The following SCFD2 variants were observed in gnomAD, a reference collection of about 807,000 sequenced individuals.
SCFD2 encodes sec1 family domain containing 2, also known as sec1 family domain-containing protein 2.
In SCFD2, 54 loss-of-function variants were observed where a neutral mutation model predicts 58.9. The ratio of observed to expected loss-of-function variants is 0.92; its 90% CI spans 0.74 to 1.15. SCFD2 has a LOEUF of 1.15. SCFD2 is among the 50% of genes most tolerant of loss of function. The pLI, the probability that SCFD2 is intolerant of heterozygous loss-of-function variation, is 0.00. For synonymous variants in SCFD2, 321 were observed against 335.9 expected (o/e 0.96, Z 0.49); for missense variants, 805 against 836.6 (o/e 0.96, Z 0.47).
intron 5 of SCFD2, among the ~76,000 whole-genome samples, chr4:53,139,102 C>A (rs913500678): frequency 6.6e-6 from 1 of 152,164 alleles, no homozygotes; most frequent in Admixed American, 6.5e-5. Context: ...AGCTCCTGAC[C>A]GCAAGTGATC....
chr4:53,248,001 A>T (rs1560409371), intron 4 of SCFD2, among the ~76,000 whole-genome samples: 1 of 152,118 alleles, frequency 6.6e-6, no homozygotes, highest in East Asian at 1.9e-4. Context: ...CTGCATTTCC[A>T]TCTGAGGTAC....
intron 7 of SCFD2, among the ~76,000 whole-genome samples, chr4:52,893,466 C>T (rs951575503): frequency 1.3e-5 from 2 of 152,224 alleles, no homozygotes; most frequent in African/African-American, 4.8e-5. Context: ...TCTTTACTGA[C>T]AGCCCATCAT....
intron 4 of SCFD2, among the ~76,000 whole-genome samples, chr4:53,168,419 C>T (rs972203709): frequency 3.3e-5 from 5 of 152,082 alleles, no homozygotes; most frequent in Non-Finnish European, 7.4e-5. Context: ...CAACTCAAAC[C>T]CATGAAACAC....
intron 4 of SCFD2, among the ~76,000 whole-genome samples, chr4:53,182,196 T>G (rs1727585601): frequency 5.9e-5 from 9 of 151,962 alleles, no homozygotes; most frequent in African/African-American, 4.8e-5. Flanking sequence ...CACTGCCAAG[T>G]CAATCCTAAG....
rs138103715 is a variant in SCFD2 at position 53,352,644 on chromosome 4, C to T, written c.961G>A (p.Glu321Lys). The change falls in exon 2 of 9, where the codon GAG (glutamate) becomes AAG (lysine). Residue 321 changes from glutamate (E) to lysine (K), a missense_variant. Transcript: ENST00000401642. Reference protein sequence around the residue: ...MIALTALHTEEENYNVVAPGC... With the variant: ...MIALTALHTEKENYNVVAPGC... ...GGTGCAACCACATTATAATTTTCCTCCTCAGTATGGAGTGCAGTGAGCGCT... is the reference window on the plus strand; with the variant it reads ...GGTGCAACCACATTATAATTTTCCTTCTCAGTATGGAGTGCAGTGAGCGCT... 5 of 1,613,864 alleles carry T rather than the reference C, an allele frequency of 3.1e-6. No individual in the cohort carries two copies. The African/African-American group carries it at 4.0e-5, about 13-fold the overall frequency.
intron 4 of SCFD2, among the ~76,000 whole-genome samples, chr4:53,243,788 G>A (rs924002765): frequency 9.9e-5 from 15 of 152,094 alleles, no homozygotes; most frequent in Admixed American, 7.2e-4. Context: ...CAAAATAAAG[G>A]GATGGAGAAA....
intron 5 of SCFD2, among the ~76,000 whole-genome samples, chr4:52,971,223 A>T (rs1721092279): frequency 1.3e-5 from 2 of 152,172 alleles, no homozygotes; most frequent in African/African-American, 2.4e-5. Flanking sequence ...TACTCCGAGC[A>T]AAAGGAGGAA....
chr4:53,148,830 C>T (rs1341603418), intron 4 of SCFD2, among the ~76,000 whole-genome samples: 2 of 152,052 alleles, frequency 1.3e-5, no homozygotes, highest in Non-Finnish European at 2.9e-5. Context: ...GGCAACATAG[C>T]GAGACTCCTG....
intron 5 of SCFD2, among the ~76,000 whole-genome samples, chr4:53,043,712 C>T (rs1261033824): frequency 6.6e-6 from 1 of 151,930 alleles, no homozygotes; most frequent in African/African-American, 2.4e-5. Flanking sequence ...AGGATACACA[C>T]CAGATTTTTC....
intron 3 of SCFD2, among the ~76,000 whole-genome samples, chr4:53,281,623 G>A (rs1362357363): frequency 6.6e-6 from 1 of 152,178 alleles, no homozygotes; most frequent in Admixed American, 6.5e-5. Context: ...GGCTCCTCAG[G>A]AGATGCATCA....
chr4:53,161,548 T>C (rs2148927470), intron 4 of SCFD2, among the ~76,000 whole-genome samples: 1 of 152,322 alleles, frequency 6.6e-6, no homozygotes, highest in South Asian at 2.1e-4. Context: ...AACATGCATA[T>C]GTTTTAAGGG....
chr4:53,247,683 C>T (rs1730142437), intron 4 of SCFD2, among the ~76,000 whole-genome samples: 1 of 150,968 alleles, frequency 6.6e-6, no homozygotes, highest in African/African-American at 2.4e-5. Context: ...CAAGGTGAAA[C>T]CCCGTCTCTA....
At chr4:53,175,936 A>T (rs1727315280) in intron 4 of SCFD2, among the ~76,000 whole-genome samples, 1 of 152,198 alleles carries the variant, frequency 6.6e-6, no homozygotes, top group Non-Finnish European at 1.5e-5. Flanking sequence ...TCTAAACCCA[A>T]GACTGTGAAT....
intron 5 of SCFD2, among the ~76,000 whole-genome samples, chr4:52,964,801 C>T (rs1720924797): frequency 6.6e-6 from 1 of 151,858 alleles, no homozygotes; most frequent in Non-Finnish European, 1.5e-5. Context: ...CTTGAGTACT[C>T]CTAAGGGTGA....
intron 4 of SCFD2, among the ~76,000 whole-genome samples, chr4:53,255,780 TA>T (rs1730591445): frequency 7.1e-6 from 1 of 141,156 alleles, no homozygotes; most frequent in Non-Finnish European, 1.6e-5. Context: ...CACTTCCCAG[TA>T]GGGGCGGCCG....
At chr4:53,210,917 G>A (rs1728588924) in intron 4 of SCFD2, among the ~76,000 whole-genome samples, 1 of 151,982 alleles carries the variant, frequency 6.6e-6, no homozygotes, top group South Asian at 2.1e-4. Flanking sequence ...CATACCCTGA[G>A]GGAAGGAATG....
At chr4:53,272,181 G>A (rs1161420674) in intron 4 of SCFD2, among the ~76,000 whole-genome samples, 7 of 152,182 alleles carry the variant, frequency 4.6e-5, no homozygotes, top group South Asian at 2.1e-4. Flanking sequence ...TTAGAATGGC[G>A]ATCATTAAAA....
chr4:53,129,467 C>G (rs1315553649), intron 5 of SCFD2, among the ~76,000 whole-genome samples: 1 of 152,192 alleles, frequency 6.6e-6, no homozygotes, highest in Non-Finnish European at 1.5e-5. Context: ...AGCATGGTTG[C>G]ACACATACAT....
At chr4:53,252,042 G>C (rs1730405441) in intron 4 of SCFD2, among the ~76,000 whole-genome samples, 1 of 152,032 alleles carries the variant, frequency 6.6e-6, no homozygotes, top group Non-Finnish European at 1.5e-5. Flanking sequence ...AAAGTCTCAG[G>C]ATACAAAATC....
Sources: allele counts gnomAD v4.1 joint callset (sites outside exome capture counted in the v4.1 genomes callset), GRCh38; gene constraint gnomAD v4.1.1; transcripts MANE v1.5; gene names NCBI Gene and HGNC (gene_info 2026-07-23, HGNC 2026-07-21).